Variants in NRXN1 observed in about 807,000 individuals in gnomAD.
The protein encoded by NRXN1 is neurexin 1, also known as neurexin-1.
A neutral mutation model predicts 150.9 loss-of-function variants in NRXN1; 39 were observed. The observed-to-expected ratio is 0.26, with a 90% CI of 0.20 to 0.34. The LOEUF (loss-of-function observed/expected upper bound fraction) is 0.34, where lower values mean the gene tolerates loss of function less well. Ranked by LOEUF, NRXN1 falls within the 10% of genes least tolerant of loss-of-function variation. The pLI is 1.00. For synonymous variants in NRXN1, 924 were observed against 757.0 expected (o/e 1.22, Z -3.62); for missense variants, 1,815 against 1,949.9 (o/e 0.93, Z 1.30).
At chr2:50,764,158 C>T (rs777801145) in intron 5 of NRXN1, among the ~76,000 whole-genome samples, 2 of 151,796 alleles carry the variant, frequency 1.3e-5, no homozygotes, top group Non-Finnish European at 2.9e-5. Context: ...AGCAACATAT[C>T]CCCCTCTCTA....
chr2:50,857,067 C>T (rs373872353), intron 5 of NRXN1, among the ~76,000 whole-genome samples: 2 of 152,062 alleles, frequency 1.3e-5, no homozygotes, highest in Non-Finnish European at 2.9e-5. Flanking sequence ...AGTGCTAACA[C>T]TGACGTTTTA....
At chr2:50,062,115 T>C (rs75373572) in intron 19 of NRXN1, among the ~76,000 whole-genome samples, 6,917 of 152,266 alleles carry the variant, frequency 0.045, 197 homozygotes, top group Middle Eastern at 0.082. Context: ...ATTTGGAATG[T>C]ATACCCTCTA....
At chr2:50,988,186 G>A (rs971065105) in intron 2 of NRXN1, among the ~76,000 whole-genome samples, 1 of 151,940 alleles carries the variant, frequency 6.6e-6, no homozygotes, top group Non-Finnish European at 1.5e-5. Flanking sequence ...CATGAGTCTT[G>A]TCGGCGCTCC....
At chr2:50,739,079 T>C (rs1013262855) in intron 5 of NRXN1, among the ~76,000 whole-genome samples, 15 of 152,204 alleles carry the variant, frequency 9.9e-5, no homozygotes, top group Non-Finnish European at 2.1e-4. Flanking sequence ...AATATAAAAC[T>C]AGACTCCACA....
At chr2:50,203,533 T>G (rs760456714) in intron 18 of NRXN1, among the ~76,000 whole-genome samples, 1 of 152,206 alleles carries the variant, frequency 6.6e-6, no homozygotes, top group Non-Finnish European at 1.5e-5. Flanking sequence ...CTTGCCTTGC[T>G]CTCTTTGGAT....
intron 17 of NRXN1, among the ~76,000 whole-genome samples, chr2:50,359,621 C>A (rs955654741): frequency 3.3e-5 from 5 of 151,888 alleles, no homozygotes; most frequent in African/African-American, 9.7e-5. Flanking sequence ...AAAGACCAAA[C>A]CTACATTTGA....
At chr2:50,226,287 C>A (rs1035969178) in intron 18 of NRXN1, among the ~76,000 whole-genome samples, 1 of 151,896 alleles carries the variant, frequency 6.6e-6, no homozygotes, top group Non-Finnish European at 1.5e-5. Context: ...TTGTAGACTG[C>A]TTCATAGTTT....
intron 21 of NRXN1, among the ~76,000 whole-genome samples, chr2:50,046,190 C>G (rs1268607656): frequency 6.6e-6 from 1 of 152,200 alleles, no homozygotes; most frequent in African/African-American, 2.4e-5. Flanking sequence ...AATCCTTGGA[C>G]AGCTCTTCGT....
chr2:50,364,558 C>T (rs2079451152), intron 17 of NRXN1, among the ~76,000 whole-genome samples: 1 of 152,108 alleles, frequency 6.6e-6, no homozygotes, highest in Non-Finnish European at 1.5e-5. Flanking sequence ...CTTGTCAATT[C>T]TCTCCTGCTT....
chr2:50,063,773 T>TAAG (rs1286526075), intron 19 of NRXN1, among the ~76,000 whole-genome samples: 1 of 152,162 alleles, frequency 6.6e-6, no homozygotes, highest in African/African-American at 2.4e-5. Flanking sequence ...TAATTGATTC[T>TAAG]AGATTCTAGA....
intron 15 of NRXN1, among the ~76,000 whole-genome samples, chr2:50,481,880 C>T (rs2090492694): frequency 2.2e-5 from 3 of 139,346 alleles, no homozygotes; most frequent in Admixed American, 2.1e-4. Flanking sequence ...ATTCTCCTGC[C>T]TCAGCCTCCC....
intron 18 of NRXN1, among the ~76,000 whole-genome samples, chr2:50,141,091 C>T (rs12467877): frequency 0.12 from 17,594 of 151,826 alleles, 1,123 homozygotes; most frequent in Middle Eastern, 0.2. Flanking sequence ...GCCAAATCAA[C>T]AAGTTGAATG....
At chr2:50,245,965 C>T (rs950851268) in intron 17 of NRXN1, among the ~76,000 whole-genome samples, 2 of 151,476 alleles carry the variant, frequency 1.3e-5, no homozygotes, top group Admixed American at 1.3e-4. Context: ...ATGACTAATT[C>T]TTATTTAGAA....
At chr2:50,423,746 A>G (rs1341413199) in intron 17 of NRXN1, among the ~76,000 whole-genome samples, 1 of 152,100 alleles carries the variant, frequency 6.6e-6, no homozygotes, top group African/African-American at 2.4e-5. Context: ...ATCAGATAGT[A>G]TCATTATTCA....
chr2:50,167,301 C>T (rs1203642625), intron 18 of NRXN1, among the ~76,000 whole-genome samples: 2 of 152,100 alleles, frequency 1.3e-5, no homozygotes, highest in South Asian at 2.1e-4. Context: ...GGAATAAGAT[C>T]GAAGAACACT....
chr2:50,996,895 T>C (rs1699383338), intron 2 of NRXN1, among the ~76,000 whole-genome samples: 1 of 151,854 alleles, frequency 6.6e-6, no homozygotes, highest in Non-Finnish European at 1.5e-5. Flanking sequence ...GAGGGGGGAG[T>C]AATCATTCCA....
At chr2:50,649,255 C>T (rs909141909) in intron 5 of NRXN1, among the ~76,000 whole-genome samples, 1 of 101,126 alleles carries the variant, frequency 9.9e-6, no homozygotes, top group African/African-American at 3.4e-5. Flanking sequence ...CACACATACA[C>T]ACATACACAC....
At chr2:50,192,308 T>C (rs2061494182) in intron 18 of NRXN1, among the ~76,000 whole-genome samples, 1 of 152,192 alleles carries the variant, frequency 6.6e-6, no homozygotes, top group Non-Finnish European at 1.5e-5. Context: ...AAATGCATCT[T>C]TTAAAATATT....
chr2:50,715,075 A>C (rs2105074222), intron 5 of NRXN1, among the ~76,000 whole-genome samples: 1 of 152,290 alleles, frequency 6.6e-6, no homozygotes, highest in East Asian at 1.9e-4. Flanking sequence ...ATAAGCCATT[A>C]TTCTATGGAA....
Sources: allele counts gnomAD v4.1 joint callset (sites outside exome capture counted in the v4.1 genomes callset), GRCh38; gene constraint gnomAD v4.1.1; transcripts MANE v1.5; gene names NCBI Gene and HGNC (gene_info 2026-07-23, HGNC 2026-07-21).